The following TENM2 variants were observed in gnomAD, a reference collection of about 807,000 sequenced individuals.
The protein encoded by TENM2 is teneurin transmembrane protein 2.
Under a neutral mutation model 245.2 loss-of-function variants are expected in TENM2, and 52 were observed. The ratio of observed to expected loss-of-function variants is 0.21; its 90% CI spans 0.17 to 0.27. The LOEUF is 0.27. Among genes scored for constraint, TENM2 ranks in the 10% least tolerant of loss-of-function variants. The pLI is 1.00. For synonymous variants in TENM2, 1,363 were observed against 1,438.9 expected (o/e 0.95, Z 1.19); for missense variants, 3,046 against 3,666.8 (o/e 0.83, Z 4.37).
At chr5:167,734,888 C>T (rs943061622) in intron 2 of TENM2, among the ~76,000 whole-genome samples, 5 of 152,172 alleles carry the variant, frequency 3.3e-5, no homozygotes, top group Non-Finnish European at 7.3e-5. Context: ...ACGCTCTACA[C>T]ATGCAATTTT....
At chr5:167,756,852 A>G (rs1452370889) in intron 2 of TENM2, among the ~76,000 whole-genome samples, 1 of 151,728 alleles carries the variant, frequency 6.6e-6, no homozygotes, top group African/African-American at 2.4e-5. Flanking sequence ...CTTCCAACCA[A>G]GGCCGTATTG....
intron 2 of TENM2, among the ~76,000 whole-genome samples, chr5:167,867,634 TA>T (rs10718161): frequency 0.039 from 5,998 of 152,160 alleles, 381 homozygotes; most frequent in African/African-American, 0.14. Context: ...ACAGTAAAAA[TA>T]AAAACTTAAA....
chr5:167,750,378 T>G (rs1761880333), intron 2 of TENM2, among the ~76,000 whole-genome samples: 1 of 152,138 alleles, frequency 6.6e-6, no homozygotes, highest in Non-Finnish European at 1.5e-5. Context: ...CCTTGACTCT[T>G]GATATCCTGA....
intron 3 of TENM2, among the ~76,000 whole-genome samples, chr5:167,914,516 C>T (rs1465338401): frequency 2.2e-4 from 33 of 152,208 alleles, no homozygotes; most frequent in Admixed American, 2.2e-3. Flanking sequence ...ATCTCTCCAT[C>T]TCAACGTCAG....
At position 168,244,693 on chromosome 5, in the gene TENM2, T is replaced by C; in HGVS notation, c.5794T>C (p.Trp1932Arg). ...CCGCATGTTCGCTGACGGGAAAGTG[T>C]GGAGCTACTCCTACCTTGACAAGGT... is the stretch of plus-strand genomic sequence containing the variant. The change falls in exon 26 of 29, where the codon TGG becomes CGG. Residue 1932 changes from tryptophan (W) to arginine (R), a missense_variant. This residue lies in a region of TENM2 where 2,704 missense variants were observed against 3,331.9 expected (regional missense o/e 0.81). Transcript: ENST00000518659. This position sits in a 1 kb window ranked among gnomAD's most constrained non-coding sequence, Gnocchi z 4.9. The C allele has an allele frequency of 1.3e-6, 2 of 1,490,720 alleles. No homozygotes were observed. The highest frequency in any genetic ancestry group is 1.8e-6 in the Non-Finnish European group (2 of 1,109,912). 92.3% of individuals were successfully genotyped at this position (1,490,720 alleles called of 1,614,324 possible). A position where few individuals can be genotyped will look rare whatever the true frequency, so the allele number is the denominator to read the frequency against.
intron 25 of TENM2, among the ~76,000 whole-genome samples, chr5:168,242,342 G>A (rs6888483): frequency 0.37 from 56,210 of 152,010 alleles, 10,752 homozygotes; most frequent in Middle Eastern, 0.47. Context: ...AATGTGGAGC[G>A]TTCAAGGGCT....
At chr5:167,615,086 C>A (rs1028023279) in intron 2 of TENM2, among the ~76,000 whole-genome samples, 7 of 152,086 alleles carry the variant, frequency 4.6e-5, no homozygotes, top group African/African-American at 7.2e-5. Context: ...GAGCTCCTGA[C>A]AATATTCATA....
chr5:167,062,108 T>G, the TENM2 span, among the ~76,000 whole-genome samples: 9 of 152,138 alleles, frequency 5.9e-5, no homozygotes, highest in Non-Finnish European at 1.3e-4. Context: ...AAAGCAGTGA[T>G]TTCAATGTTT....
chr5:168,042,084 G>A (rs1788239359), intron 5 of TENM2, among the ~76,000 whole-genome samples: 1 of 152,128 alleles, frequency 6.6e-6, no homozygotes, highest in African/African-American at 2.4e-5. Flanking sequence ...GCAGAGGCAC[G>A]GAGACCCAGC....
chr5:167,295,779 C>T (rs973002778), intron 1 of TENM2, among the ~76,000 whole-genome samples: 2 of 152,098 alleles, frequency 1.3e-5, no homozygotes, highest in South Asian at 4.2e-4. Context: ...CTCACAAGCT[C>T]CCTTTTTCTC....
chr5:168,214,951 G>A (rs368454724), intron 20 of TENM2, 89 bp from the exon 23 acceptor site: 28 of 1,039,684 alleles, frequency 2.7e-5, no homozygotes, highest in Admixed American at 7.6e-5. Context: ...GAAGGTAAGC[G>A]TCTTGCTAGG....
At chr5:167,775,012 C>T (rs993173399) in intron 2 of TENM2, among the ~76,000 whole-genome samples, 1 of 152,042 alleles carries the variant, frequency 6.6e-6, no homozygotes, top group Non-Finnish European at 1.5e-5. Context: ...TCTTGTTGCC[C>T]AGGCTGGAGT....
In TENM2 at chr5:167,328,204, G is replaced by GTT. The variant is rs70976412; in HGVS notation, c.226+43163_226+43164dup. Among the ~76,000 whole-genome samples the GTT allele has an allele frequency of 1.2e-3, 109 of 91,008 alleles. 3 individuals are homozygous for GTT. Among genetic ancestry groups the GTT allele is most frequent in the African/African-American group, 3.3e-3 (68 of 20,698 alleles). 59.7% of individuals were successfully genotyped at this position (91,008 alleles called of 152,430 possible). A position where few individuals can be genotyped will look rare whatever the true frequency, so the allele number is the denominator to read the frequency against. ...CAACAGTTCGATAGTTTCTCATATC[G>GTT]TTTTTTTTTTTTTTTTTTTTTTTGA... On this transcript the variant is annotated intron_variant, in intron 1 of 28. Coordinates refer to ENST00000518659, the Ensembl canonical transcript of TENM2.
the TENM2 span, among the ~76,000 whole-genome samples, chr5:167,236,881 C>A: frequency 1.4e-5 from 2 of 141,394 alleles, no homozygotes; most frequent in Non-Finnish European, 3.1e-5. Context: ...ACTTCTATAC[C>A]TTTTTTTTTT....
chr5:167,593,334 G>A (rs1775999237), intron 2 of TENM2, among the ~76,000 whole-genome samples: 1 of 152,192 alleles, frequency 6.6e-6, no homozygotes, highest in Non-Finnish European at 1.5e-5. Flanking sequence ...TTTTCTAAAA[G>A]GGTAATCACC....
At chr5:167,043,641 T>C in the TENM2 span, among the ~76,000 whole-genome samples, 1 of 152,180 alleles carries the variant, frequency 6.6e-6, no homozygotes, top group Admixed American at 6.5e-5. Flanking sequence ...TTACATAGTC[T>C]AGCTAAAGAT....
At chr5:167,221,665 A>C in the TENM2 span, among the ~76,000 whole-genome samples, 1 of 152,250 alleles carries the variant, frequency 6.6e-6, no homozygotes, top group Non-Finnish European at 1.5e-5. Flanking sequence ...GATGCTAAGC[A>C]ACACATTGAA....
intron 3 of TENM2, among the ~76,000 whole-genome samples, chr5:167,882,545 G>T (rs768484838): frequency 9.8e-5 from 15 of 152,312 alleles, no homozygotes; most frequent in African/African-American, 3.6e-4. Flanking sequence ...AAGTTTAATT[G>T]ACTCACAGTT....
chr5:167,728,124 G>C lies in TENM2; in HGVS notation c.503-147862G>C, dbSNP rs376204089. On this transcript the variant is annotated intron_variant, in intron 2 of 28. Coordinates refer to ENST00000518659, the Ensembl canonical transcript of TENM2. The stretch of plus-strand genomic sequence containing the variant: ...GACCAGTCTTATGATGGAGGAATAT[G>C]CTGTTGCTATTCTTGAAATTCTTTT... 7.2e-5 allele frequency among the ~76,000 whole-genome samples: 11 copies of C among 152,264 alleles called. No homozygotes were observed. The East Asian group carries it at 1.7e-3, about 24-fold the overall frequency.
Sources: allele counts gnomAD v4.1 joint callset (sites outside exome capture counted in the v4.1 genomes callset), GRCh38; gene constraint gnomAD v4.1.1; regional missense constraint gnomAD v4.1.1; non-coding constraint Gnocchi (gnomAD v3.1); transcripts MANE v1.5; gene names NCBI Gene and HGNC (gene_info 2026-07-23, HGNC 2026-07-21).